LPIN2: variants seen among roughly 807,000 people sequenced by gnomAD.
LPIN2 encodes the protein lipin 2.
LPIN2 carries 55 observed loss-of-function variants against 111.4 expected under a neutral mutation model. The ratio of observed to expected loss-of-function variants is 0.49; its 90% CI spans 0.40 to 0.62. The LOEUF (loss-of-function observed/expected upper bound fraction) is 0.62, where lower values mean the gene tolerates loss of function less well. Among genes scored for constraint, LPIN2 ranks in the 20% least tolerant of loss-of-function variants. The probability of loss-of-function intolerance (pLI) is 0.00; values close to 1 mark genes in which losing one functional copy is unlikely to be tolerated. For missense variants in LPIN2, 992 were observed against 1,112.1 expected, an observed-to-expected ratio of 0.89 and a Z score of 1.54; for synonymous variants, 425 against 414.0, an observed-to-expected ratio of 1.03 and a Z score of -0.32.
intron 2 of LPIN2, among the ~76,000 whole-genome samples, chr18:2,957,885 T>C (rs1337322828): frequency 6.6e-6 from 1 of 151,836 alleles, no homozygotes; most frequent in Non-Finnish European, 1.5e-5. Context: ...GCGTGGTGGC[T>C]CACACCTGTA....
At chr18:3,008,714 C>T (rs1246658493) in intron 1 of LPIN2, among the ~76,000 whole-genome samples, 1 of 151,994 alleles carries the variant, frequency 6.6e-6, no homozygotes, top group African/African-American at 2.4e-5. Flanking sequence ...CCCTCCTTCC[C>T]ACTTACTCAT....
rs2077029536 is a variant in LPIN2 at position 2,920,082 on chromosome 18, C to T, written c.*211G>A. On this transcript the variant is annotated 3_prime_UTR_variant, in exon 20 of 20. Transcript: ENST00000677752. ...GATCCCAGGCCTCCAGCCCCAGGCC[C>T]AGTTCCTCCCTTCTCCTTCCAGGAG... 1 of 631,200 alleles carries T rather than the reference C, an allele frequency of 1.6e-6. No individual in the cohort carries two copies. Among genetic ancestry groups the T allele is most frequent in the East Asian group, 2.8e-5 (1 of 35,970 alleles). The allele number at this position is 631,200 out of a possible 1,614,324, so 39.1% of individuals were successfully genotyped here.
At chr18:2,967,178 T>G (rs1432830285) in intron 1 of LPIN2, 1 of 151,980 alleles carries the variant, frequency 6.6e-6, no homozygotes, top group Non-Finnish European at 1.5e-5. Flanking sequence ...AGATAAGAGG[T>G]GTCTACTATT....
intron 1 of LPIN2, among the ~76,000 whole-genome samples, chr18:2,980,314 TTAAA>T (rs1488552214): frequency 6.6e-6 from 1 of 152,046 alleles, no homozygotes; most frequent in Non-Finnish European, 1.5e-5. Context: ...TTCCACTCAA[TTAAA>T]TAATTACTTT....
chr18:2,990,411 A>T (rs2078247726), intron 1 of LPIN2, among the ~76,000 whole-genome samples: 1 of 152,260 alleles, frequency 6.6e-6, no homozygotes, highest in East Asian at 1.9e-4. Context: ...TAACTCTAGA[A>T]TATATTTAAA....
chr18:3,006,176 G>A (rs2078512771), intron 1 of LPIN2, among the ~76,000 whole-genome samples: 1 of 152,180 alleles, frequency 6.6e-6, no homozygotes, highest in Admixed American at 6.5e-5. Flanking sequence ...TAAGATAACT[G>A]TAATAATGAT....
chr18:2,955,702 GGTCAAGA>G (rs2077600706), intron 2 of LPIN2, among the ~76,000 whole-genome samples: 1 of 152,150 alleles, frequency 6.6e-6, no homozygotes, highest in Non-Finnish European at 1.5e-5. Flanking sequence ...GGTCACCTGA[GGTCAAGA>G]GTTCGAGACC....
At chr18:2,971,355 GT>G (rs2077906769) in intron 1 of LPIN2, among the ~76,000 whole-genome samples, 1 of 152,192 alleles carries the variant, frequency 6.6e-6, no homozygotes, top group Admixed American at 6.5e-5. Context: ...GGGAGGATGT[GT>G]GGGCTCAGCG....
chr18:2,975,614 C>T (rs113236141), intron 1 of LPIN2, among the ~76,000 whole-genome samples: 1,558 of 152,264 alleles, frequency 0.01, 25 homozygotes, highest in African/African-American at 0.035. Context: ...GATTCCACGC[C>T]TAGCCAAGCC....
In LPIN2 at chr18:2,922,111, C is replaced by G; in HGVS notation, c.2263G>C (p.Gly755Arg). The G allele has an allele frequency of 6.2e-7, 1 of 1,614,076 alleles. No homozygotes were observed. ...AGGGGGCCCCGGGGCAAGATTGTGCCCTTGTCATTGACCCAGTGCAGGTAG... is the reference window on the plus strand; with the variant it reads ...AGGGGGCCCCGGGGCAAGATTGTGCGCTTGTCATTGACCCAGTGCAGGTAG... ...RGYLHWVNDK[G>R]TILPRGPLML... is the part of the protein sequence containing the mutation. The change falls in exon 17 of 20, where the codon GGC (glycine) becomes CGC (arginine). Residue 755 changes from glycine to arginine, a missense_variant. Transcript: ENST00000677752.
intron 12 of LPIN2, among the ~76,000 whole-genome samples, chr18:2,927,128 G>T (rs913811511): frequency 6.6e-6 from 1 of 152,100 alleles, no homozygotes; most frequent in African/African-American, 2.4e-5. Context: ...AACTCACCAC[G>T]TGCAGAAGGG....
chr18:2,944,904 T>C (rs1292169738), intron 4 of LPIN2, among the ~76,000 whole-genome samples: 2 of 152,220 alleles, frequency 1.3e-5, no homozygotes, highest in East Asian at 3.8e-4. Flanking sequence ...TCCTATACTC[T>C]TACATCATAC....
At chr18:2,977,464 T>C (rs1012363362) in intron 1 of LPIN2, among the ~76,000 whole-genome samples, 11 of 152,202 alleles carry the variant, frequency 7.2e-5, no homozygotes, top group African/African-American at 2.7e-4. Context: ...ATGGCTCAGA[T>C]CTTGCTTTCT....
Position 2,968,129 on chromosome 18 carries a change from T to C in LPIN2, c.-9-7280A>G, listed in dbSNP as rs143090764. On this transcript the variant is annotated intron_variant, in intron 1 of 19. Coordinates refer to ENST00000677752, the MANE Select transcript of LPIN2 (RefSeq NM_001375808.2). ...AGCAGTGTAGGGCGACTGGTCAAAG[T>C]GTTCTCCTTCATTTCTAGGACGATT... 8.6e-3 allele frequency among the ~76,000 whole-genome samples: 1,307 copies of C among 152,238 alleles called. 16 individuals are homozygous for C. The highest frequency in any genetic ancestry group is 0.03 in the African/African-American group (1,240 of 41,542).
At chr18:2,924,822 C>T (rs1005726910) in intron 14 of LPIN2, among the ~76,000 whole-genome samples, 18 of 152,252 alleles carry the variant, frequency 1.2e-4, no homozygotes, top group African/African-American at 4.3e-4. Flanking sequence ...GCTTTAGCCA[C>T]AGCCTGCTCT....
intron 1 of LPIN2, among the ~76,000 whole-genome samples, chr18:3,003,547 CT>C (rs1398084379): frequency 1.3e-5 from 2 of 152,194 alleles, no homozygotes; most frequent in Non-Finnish European, 1.5e-5. Flanking sequence ...TTTATAACTT[CT>C]TAAGCCTGTC....
chr18:2,988,012 C>CAAAAAA lies in LPIN2; in HGVS notation c.-10+25069_-10+25074dup, dbSNP rs761121515. Reference sequence around the variant, plus strand: ...TGGGCGACAGAGTGAGAGACTGTCTCAAAAAAAAAAAAAAAAAAAAAAAAA... The same window carrying CAAAAAA: ...TGGGCGACAGAGTGAGAGACTGTCTCAAAAAAAAAAAAAAAAAAAAAAAAAAAAAAA... On this transcript the variant is annotated intron_variant, in intron 1 of 19. Transcript: ENST00000677752. Among the ~76,000 whole-genome samples the CAAAAAA allele has an allele frequency of 1.4e-3, 44 of 32,334 alleles. 2 individuals are homozygous for CAAAAAA. The highest frequency in any genetic ancestry group is 2.3e-3 in the African/African-American group (24 of 10,296). 21.2% of individuals were successfully genotyped at this position (32,334 alleles called of 152,430 possible). A position where few individuals can be genotyped will look rare whatever the true frequency, so the allele number is the denominator to read the frequency against.
At chr18:2,931,502 T>G in intron 8 of LPIN2, 59 bp from the exon 9 acceptor site, 1 of 1,504,400 alleles carries the variant, frequency 6.6e-7, no homozygotes, top group Non-Finnish European at 9.0e-7. Flanking sequence ...ATTCCTAGTT[T>G]ACTGCATGGT....
Sources: gnomAD v4.1 joint callset for allele counts (sites outside exome capture counted in the v4.1 genomes callset) on GRCh38, gnomAD v4.1.1 for gene constraint, MANE v1.5 for transcripts, NCBI Gene and HGNC (gene_info 2026-07-23, HGNC 2026-07-21) for gene names.